The following RIMBP2 variants were observed in gnomAD, a reference collection of about 807,000 sequenced individuals.
RIMBP2 encodes RIMS-binding protein 2.
In RIMBP2, 48 loss-of-function variants were observed where a neutral mutation model predicts 118.6. The ratio of observed to expected loss-of-function variants is 0.40; its 90% CI spans 0.32 to 0.51. The LOEUF is 0.51. RIMBP2 is among the 20% of genes least tolerant of loss of function. The pLI is 0.41. For missense variants in RIMBP2, 1,551 were observed against 1,768.3 expected, an observed-to-expected ratio of 0.88 and a Z score of 2.20; for synonymous variants, 762 against 742.9, an observed-to-expected ratio of 1.03 and a Z score of -0.42.
intron 2 of RIMBP2, among the ~76,000 whole-genome samples, chr12:130,594,053 C>T (rs917582435): frequency 6.6e-6 from 1 of 152,222 alleles, no homozygotes; most frequent in African/African-American, 2.4e-5. Context: ...CCAATAATTT[C>T]CTTTTACCCT....
At chr12:130,509,126 T>C (rs2050653378) in intron 3 of RIMBP2, among the ~76,000 whole-genome samples, 2 of 152,228 alleles carry the variant, frequency 1.3e-5, no homozygotes, top group African/African-American at 4.8e-5. Context: ...GCCTGGCCCT[T>C]GGCTGGAGGC....
At chr12:130,456,864 T>C (rs1031746126) in intron 6 of RIMBP2, among the ~76,000 whole-genome samples, 164 bp from the exon 7 acceptor site, 11 of 152,202 alleles carry the variant, frequency 7.2e-5, no homozygotes, top group Admixed American at 1.3e-4. Context: ...TGTGTGCATA[T>C]GAGCATGTAT....
intron 2 of RIMBP2, among the ~76,000 whole-genome samples, chr12:130,612,976 G>A (rs577617375): frequency 3.1e-5 from 4 of 129,968 alleles, no homozygotes; most frequent in African/African-American, 8.7e-5. Flanking sequence ...CCAGCCCCCC[G>A]TCATCGCCAC....
chr12:130,617,572 T>C lies in RIMBP2; in HGVS notation c.-217+10750A>G, dbSNP rs1003416017. 6.6e-6 allele frequency among the ~76,000 whole-genome samples: 1 copy of C among 152,192 alleles called. No homozygotes were observed. The highest frequency in any genetic ancestry group is 1.5e-5 in the Non-Finnish European group (1 of 68,024). The stretch of plus-strand genomic sequence containing the variant: ...CTAGAAGCTGCTTAGTGGGAGGTAT[T>C]GAGAAGGGCCTGGAGGCGGCCTTTC... On this transcript the variant is annotated intron_variant, in intron 2 of 22. Coordinates refer to ENST00000690449, the MANE Select transcript of RIMBP2 (RefSeq NM_001393629.1). The surrounding 1 kb of genome is among the most constrained non-coding windows in gnomAD (Gnocchi z 4.6).
At chr12:130,443,773 C>T (rs190538087) in intron 10 of RIMBP2, among the ~76,000 whole-genome samples, 7 of 151,944 alleles carry the variant, frequency 4.6e-5, no homozygotes, top group South Asian at 2.1e-4. Context: ...ATGATGGTGA[C>T]GGTGATGATG....
At chr12:130,711,417 G>A (rs1016262522) in intron 1 of RIMBP2, among the ~76,000 whole-genome samples, 1 of 152,174 alleles carries the variant, frequency 6.6e-6, no homozygotes, top group African/African-American at 2.4e-5. Flanking sequence ...TGTGGTGTCT[G>A]TGACCATGAG....
chr12:130,638,724 C>CTA (rs1306484075), intron 1 of RIMBP2, among the ~76,000 whole-genome samples: 2 of 151,746 alleles, frequency 1.3e-5, no homozygotes, highest in African/African-American at 2.4e-5. Flanking sequence ...GACCACTGAA[C>CTA]TATAGTACAT....
intron 1 of RIMBP2, among the ~76,000 whole-genome samples, chr12:130,676,489 G>A (rs924600566): frequency 4.6e-5 from 7 of 151,898 alleles, no homozygotes; most frequent in African/African-American, 1.2e-4. Context: ...TGGGTGTGGT[G>A]GTATGTGCCT....
At chr12:130,467,764 A>G (rs2080623512) in intron 6 of RIMBP2, among the ~76,000 whole-genome samples, 1 of 152,172 alleles carries the variant, frequency 6.6e-6, no homozygotes, top group African/African-American at 2.4e-5. Context: ...TCTTATACTT[A>G]TTGATGACTC....
intron 18 of RIMBP2, among the ~76,000 whole-genome samples, chr12:130,413,205 T>C (rs367778720): frequency 2.6e-5 from 4 of 152,198 alleles, no homozygotes; most frequent in African/African-American, 9.6e-5. Context: ...TAGCAGGCAT[T>C]CCGACCGTTC....
intron 2 of RIMBP2, among the ~76,000 whole-genome samples, chr12:130,532,066 C>G (rs1351288212): frequency 1.6e-5 from 2 of 127,506 alleles, no homozygotes; most frequent in Admixed American, 8.1e-5. Context: ...CTAGGAGGTA[C>G]GTCTAATGAG....
At chr12:130,557,078 T>C (rs1255428381) in intron 2 of RIMBP2, among the ~76,000 whole-genome samples, 1 of 152,148 alleles carries the variant, frequency 6.6e-6, no homozygotes, top group Non-Finnish European at 1.5e-5. Flanking sequence ...GATGAGGTCA[T>C]ACTGGAGTAG....
chr12:130,516,886 G>C (rs966728787), intron 3 of RIMBP2, among the ~76,000 whole-genome samples: 21 of 152,198 alleles, frequency 1.4e-4, no homozygotes, highest in Admixed American at 9.8e-4. Context: ...GATGACAAGG[G>C]AGCTAGACAG....
chr12:130,549,048 T>G (rs1031818361), intron 2 of RIMBP2, among the ~76,000 whole-genome samples: 1 of 152,230 alleles, frequency 6.6e-6, no homozygotes, highest in Non-Finnish European at 1.5e-5. Context: ...GTGCTAATAA[T>G]TCTATTCTAC....
At chr12:130,484,825 C>A (rs866003742) in intron 4 of RIMBP2, among the ~76,000 whole-genome samples, 1 of 152,366 alleles carries the variant, frequency 6.6e-6, no homozygotes, top group South Asian at 2.1e-4. Flanking sequence ...GCTCAAATCC[C>A]AGCTCTGATA....
intron 1 of RIMBP2, among the ~76,000 whole-genome samples, chr12:130,646,817 G>C (rs1325168596): frequency 6.6e-6 from 1 of 152,252 alleles, no homozygotes; most frequent in African/African-American, 2.4e-5. Flanking sequence ...CTGAACCAGG[G>C]CTGAGAACCC....
At chr12:130,542,176 T>C (rs1360531741) in intron 2 of RIMBP2, among the ~76,000 whole-genome samples, 2 of 152,132 alleles carry the variant, frequency 1.3e-5, no homozygotes, top group Non-Finnish European at 1.5e-5. Flanking sequence ...GGATGCTGGC[T>C]AGGAAATTTT....
At chr12:130,496,352 T>C (rs1593527777) in intron 4 of RIMBP2, among the ~76,000 whole-genome samples, 1 of 152,102 alleles carries the variant, frequency 6.6e-6, no homozygotes, top group Non-Finnish European at 1.5e-5. Context: ...TTGTGAGGCC[T>C]CCCCAGCCAC....
At chr12:130,466,095 A>G (rs1184970234) in intron 6 of RIMBP2, 1 of 152,186 alleles carries the variant, frequency 6.6e-6, no homozygotes, top group Non-Finnish European at 1.5e-5. Context: ...AATGGGCATT[A>G]TCTTGTGGAT....
Sources: allele counts gnomAD v4.1 joint callset (sites outside exome capture counted in the v4.1 genomes callset), GRCh38; gene constraint gnomAD v4.1.1; non-coding constraint Gnocchi (gnomAD v3.1); transcripts MANE v1.5; gene names NCBI Gene and HGNC (gene_info 2026-07-23, HGNC 2026-07-21).